The following LRRC4C variants were observed in gnomAD, a reference collection of about 807,000 sequenced individuals.
LRRC4C encodes the protein leucine rich repeat containing 4C.
LRRC4C carries 5 observed loss-of-function variants against 33.6 expected under a neutral mutation model. The ratio of observed to expected loss-of-function variants is 0.15; its 90% CI spans 0.08 to 0.31. The LOEUF is 0.31. Ranked by LOEUF, LRRC4C falls within the 10% of genes least tolerant of loss-of-function variation. The pLI, the probability that LRRC4C is intolerant of heterozygous loss-of-function variation, is 1.00. For missense variants in LRRC4C, 560 were observed against 796.7 expected (o/e 0.70, Z 3.58); for synonymous variants, 329 against 302.0 (o/e 1.09, Z -0.93).
intron 2 of LRRC4C, among the ~76,000 whole-genome samples, chr11:40,752,705 C>T (rs547543166): frequency 9.2e-5 from 14 of 151,838 alleles, no homozygotes; most frequent in Non-Finnish European, 1.6e-4. Context: ...CTATAAAAAA[C>T]GGAATAGAGA....
At chr11:41,197,190 A>T (rs989514625) in intron 1 of LRRC4C, among the ~76,000 whole-genome samples, 3 of 152,082 alleles carry the variant, frequency 2.0e-5, no homozygotes, top group East Asian at 3.9e-4. Context: ...CAGTGGATTC[A>T]TCCACAGATC....
intron 1 of LRRC4C, among the ~76,000 whole-genome samples, chr11:40,968,840 AAGG>A: frequency 6.6e-6 from 1 of 152,298 alleles, no homozygotes; most frequent in South Asian, 2.1e-4. Context: ...GGAGATGTAC[AAGG>A]AGATTACTGT....
At chr11:40,654,017 C>A (rs1410534200) in intron 2 of LRRC4C, among the ~76,000 whole-genome samples, 1 of 152,166 alleles carries the variant, frequency 6.6e-6, no homozygotes, top group African/African-American at 2.4e-5. Context: ...TGGTATTGAT[C>A]CTGAGGGTGC....
chr11:40,446,703 G>A (rs76129140), intron 3 of LRRC4C: 3,657 of 152,210 alleles, frequency 0.024, 56 homozygotes, highest in Non-Finnish European at 0.036. Flanking sequence ...CTTAACAATC[G>A]TGGTGGAAGG....
At chr11:40,174,463 A>C (rs1860303495) in intron 5 of LRRC4C, among the ~76,000 whole-genome samples, 1 of 152,212 alleles carries the variant, frequency 6.6e-6, no homozygotes, top group South Asian at 2.1e-4. Context: ...TCTTAAAATT[A>C]TCACTCAAGA....
At chr11:40,712,662 G>A (rs1399011251) in intron 2 of LRRC4C, among the ~76,000 whole-genome samples, 3 of 152,026 alleles carry the variant, frequency 2.0e-5, no homozygotes, top group Admixed American at 1.3e-4. Flanking sequence ...AGAGAAGGAA[G>A]AATAAGCATA....
intron 5 of LRRC4C, among the ~76,000 whole-genome samples, chr11:40,164,839 T>A (rs1859453427): frequency 6.6e-6 from 1 of 152,202 alleles, no homozygotes; most frequent in Admixed American, 6.5e-5. Context: ...CATGTATGCA[T>A]GTATCAATAT....
At chr11:41,198,633 A>G (rs1946280999) in intron 1 of LRRC4C, among the ~76,000 whole-genome samples, 2 of 148,832 alleles carry the variant, frequency 1.3e-5, no homozygotes, top group South Asian at 4.4e-4. Context: ...AGGAAAAAAA[A>G]GTATGGAGGG....
At chr11:41,428,291 G>A (rs1056434149) in intron 1 of LRRC4C, among the ~76,000 whole-genome samples, 5 of 152,122 alleles carry the variant, frequency 3.3e-5, no homozygotes, top group African/African-American at 1.2e-4. Context: ...TCAACTCTGA[G>A]AATTAGCTAA....
chr11:40,441,417 C>G (rs561425732), intron 3 of LRRC4C, among the ~76,000 whole-genome samples: 3 of 152,116 alleles, frequency 2.0e-5, no homozygotes, highest in Non-Finnish European at 4.4e-5. Context: ...TTGTTTAGTA[C>G]GATTCGCTGT....
chr11:40,413,131 A>G (rs1467554314), intron 3 of LRRC4C, among the ~76,000 whole-genome samples: 2 of 152,072 alleles, frequency 1.3e-5, no homozygotes, highest in Admixed American at 6.6e-5. Flanking sequence ...GAAATCTACT[A>G]CGACTAACAG....
intron 3 of LRRC4C, among the ~76,000 whole-genome samples, chr11:40,483,347 T>C (rs1219375335): frequency 3.9e-5 from 6 of 152,064 alleles, no homozygotes; most frequent in Non-Finnish European, 5.9e-5. Flanking sequence ...GTGACTGTAG[T>C]AGAGAGAAAG....
At chr11:40,770,006 G>T (rs949915034) in intron 2 of LRRC4C, among the ~76,000 whole-genome samples, 3 of 151,908 alleles carry the variant, frequency 2.0e-5, no homozygotes, top group Non-Finnish European at 4.4e-5. Flanking sequence ...TGAACAAATA[G>T]TATCATATCA....
chr11:40,189,515 T>A (rs1342097357), intron 5 of LRRC4C, among the ~76,000 whole-genome samples: 6 of 152,178 alleles, frequency 3.9e-5, no homozygotes, highest in Admixed American at 3.3e-4. Flanking sequence ...GATCCCTTCT[T>A]CGAACCCTTC....
intron 3 of LRRC4C, among the ~76,000 whole-genome samples, chr11:40,554,579 C>T (rs1027244977): frequency 1.3e-5 from 2 of 152,134 alleles, no homozygotes; most frequent in Non-Finnish European, 2.9e-5. Context: ...AATACTGATT[C>T]TTCCAATCCA....
intron 1 of LRRC4C, among the ~76,000 whole-genome samples, chr11:41,171,898 C>T (rs891160832): frequency 4.0e-5 from 6 of 151,880 alleles, no homozygotes; most frequent in Admixed American, 2.6e-4. Context: ...GACCACCAGG[C>T]CAGCTGCTGG....
Position 41,253,602 on chromosome 11 carries a change from G to A in LRRC4C, c.-496+205829C>T, listed in dbSNP as rs957764890. Reference sequence around the variant, plus strand: ...CTTGTCCCAGCTCCATGATGAAATAGGTACATAACACTAACCAAGTCTTGT... The same window carrying A: ...CTTGTCCCAGCTCCATGATGAAATAAGTACATAACACTAACCAAGTCTTGT... On this transcript the variant is annotated intron_variant, in intron 1 of 6. Coordinates refer to ENST00000528697, the MANE Select transcript of LRRC4C (RefSeq NM_001258419.2). Among the ~76,000 whole-genome samples, 3 of 152,060 alleles carry A rather than the reference G, an allele frequency of 2.0e-5. No individual in the cohort carries two copies. The East Asian group carries it at 5.8e-4, about 29-fold the overall frequency.
chr11:41,326,543 GCC>G (rs1951124368), intron 1 of LRRC4C, among the ~76,000 whole-genome samples: 1 of 151,812 alleles, frequency 6.6e-6, no homozygotes, highest in African/African-American at 2.4e-5. Flanking sequence ...TTCACATGTG[GCC>G]CCAAAATGAA....
At chr11:40,372,155 T>C (rs1009512165) in intron 3 of LRRC4C, among the ~76,000 whole-genome samples, 3 of 152,128 alleles carry the variant, frequency 2.0e-5, no homozygotes, top group African/African-American at 7.2e-5. Context: ...ACCCAACTAG[T>C]AGGAGATAGG....
Sources: allele counts gnomAD v4.1 joint callset (sites outside exome capture counted in the v4.1 genomes callset), GRCh38; gene constraint gnomAD v4.1.1; transcripts MANE v1.5; gene names NCBI Gene and HGNC (gene_info 2026-07-23, HGNC 2026-07-21).